Variants in SCMH1 observed in about 807,000 individuals in gnomAD.
SCMH1 encodes the protein Scm polycomb group protein homolog 1.
Under a neutral mutation model 70.8 loss-of-function variants are expected in SCMH1, and 37 were observed. That is an observed-to-expected ratio of 0.52 (90% CI 0.40 to 0.69). The LOEUF (loss-of-function observed/expected upper bound fraction) is 0.69. Among genes scored for constraint, SCMH1 ranks in the 30% least tolerant of loss-of-function variants. The pLI is 0.00. For missense variants in SCMH1, 607 were observed against 827.3 expected (o/e 0.73, Z 3.27); for synonymous variants, 292 against 307.4 (o/e 0.95, Z 0.52).
chr1:41,037,276 G>C, intron 13 of SCMH1, 86 bp downstream of exon 13: 1 of 1,370,450 alleles, frequency 7.3e-7, no homozygotes, highest in Non-Finnish European at 1.0e-6. Context: ...AACAGAGCTA[G>C]GTCCTCTCTG....
chr1:41,161,378 G>A (rs1646017719), exon 3 of SCMH1: 2 of 1,550,350 alleles, frequency 1.3e-6, no homozygotes, highest in African/African-American at 2.7e-5. Flanking sequence ...ATATTGGGAT[G>A]CAGACTCTGA....
At chr1:41,236,094 T>C (rs1042486192) in intron 1 of SCMH1, among the ~76,000 whole-genome samples, 14 of 152,212 alleles carry the variant, frequency 9.2e-5, no homozygotes, top group African/African-American at 3.1e-4. Flanking sequence ...CCAAAGGGTA[T>C]ATACCTAGGA....
At chr1:41,114,717 C>T (rs11209554) in intron 7 of SCMH1, among the ~76,000 whole-genome samples, 1 of 151,586 alleles carries the variant, frequency 6.6e-6, no homozygotes, top group Non-Finnish European at 1.5e-5. Context: ...GGTTCTGTCA[C>T]CCAGGCTGGA....
intron 2 of SCMH1, among the ~76,000 whole-genome samples, chr1:41,172,207 T>C (rs1329170709): frequency 6.9e-6 from 1 of 145,672 alleles, no homozygotes; most frequent in East Asian, 2.0e-4. Context: ...AAAAACGCTG[T>C]ACCAAAAAAT....
At position 41,072,856 on chromosome 1, in the gene SCMH1, C is replaced by A. The variant is rs143102759; in HGVS notation, c.979-2135G>T. Among the ~76,000 whole-genome samples the A allele has an allele frequency of 5.2e-4, 79 of 152,150 alleles. No homozygotes were observed. The East Asian group carries it at 0.012, about 23-fold the overall frequency. ...ACTCAGCCTGGGTCACAGAGTGAGA[C>A]CCTGCCTCAAAAATCAAAGCAAAAC... On this transcript the variant is annotated intron_variant, in intron 9 of 14. Coordinates refer to ENST00000337495, the Ensembl canonical transcript of SCMH1.
chr1:41,163,838 T>C (rs1468154367), intron 2 of SCMH1, among the ~76,000 whole-genome samples: 1 of 152,136 alleles, frequency 6.6e-6, no homozygotes, highest in African/African-American at 2.4e-5. Context: ...AAAAAACATA[T>C]AAGTAAACAC....
intron 8 of SCMH1, among the ~76,000 whole-genome samples, chr1:41,085,250 CA>C (rs1489402169): frequency 1.3e-5 from 2 of 151,928 alleles, no homozygotes; most frequent in African/African-American, 4.8e-5. Context: ...ATTAGGAAAT[CA>C]ATCAACAGAC....
intron 8 of SCMH1, among the ~76,000 whole-genome samples, chr1:41,097,947 A>G (rs1296304220): frequency 6.6e-6 from 1 of 152,210 alleles, no homozygotes; most frequent in South Asian, 2.1e-4. Flanking sequence ...CTCTGTGCTT[A>G]AGTTTTTGGA....
At chr1:41,063,200 G>A (rs11209429) in intron 10 of SCMH1, among the ~76,000 whole-genome samples, 98,670 of 152,026 alleles carry the variant, frequency 0.65, 33,555 homozygotes, top group African/African-American at 0.86. Flanking sequence ...CAGGCCAGGC[G>A]TGGTGGCTCA....
chr1:41,181,104 T>C (rs1274882302), intron 2 of SCMH1, among the ~76,000 whole-genome samples: 2 of 152,174 alleles, frequency 1.3e-5, no homozygotes, highest in African/African-American at 2.4e-5. Context: ...GGGAAACGAT[T>C]CCCTATTTAA....
rs1669746043 is a variant in SCMH1, at chr1:41,113,569, G to C, written c.502-43C>G. On this transcript the variant is annotated intron_variant, in intron 7 of 14. Transcript: ENST00000337495. The surrounding 1 kb of genome is among the most constrained non-coding windows in gnomAD (Gnocchi z 4.3). Reference sequence around the variant, plus strand: ...ACATACACACCTAGACACAAAGAGAGGCCATTATGCCAATAGACTACTATC... The same window carrying C: ...ACATACACACCTAGACACAAAGAGACGCCATTATGCCAATAGACTACTATC... 1 of 1,570,826 alleles carries C rather than the reference G, an allele frequency of 6.4e-7. No individual in the cohort carries two copies. Among genetic ancestry groups the C allele is most frequent in the African/African-American group, 1.4e-5 (1 of 72,952 alleles).
chr1:41,195,753 T>C (rs1484397151), intron 1 of SCMH1, among the ~76,000 whole-genome samples: 11 of 152,256 alleles, frequency 7.2e-5, no homozygotes, highest in Admixed American at 2.6e-4. Context: ...GGCATTCAGA[T>C]TTGAAAGGAA....
At chr1:41,156,882 T>C (rs1427519419) in intron 4 of SCMH1, among the ~76,000 whole-genome samples, 5 of 152,020 alleles carry the variant, frequency 3.3e-5, no homozygotes, top group African/African-American at 7.3e-5. Context: ...CCCAGGCTAG[T>C]TGCAAACTCC....
chr1:41,220,313 AT>A (rs1303710937), intron 1 of SCMH1, among the ~76,000 whole-genome samples: 1 of 152,232 alleles, frequency 6.6e-6, no homozygotes, highest in Non-Finnish European at 1.5e-5. Context: ...GTTTATGTAC[AT>A]GTGTTTAGAG....
chr1:41,101,281 G>T (rs145927753), intron 8 of SCMH1, among the ~76,000 whole-genome samples: 1 of 152,190 alleles, frequency 6.6e-6, no homozygotes, highest in Non-Finnish European at 1.5e-5. Context: ...ATCTCTGCCT[G>T]TGGGAGCATT....
chr1:41,194,662 T>C (rs1224190426), intron 1 of SCMH1, among the ~76,000 whole-genome samples: 3 of 152,178 alleles, frequency 2.0e-5, no homozygotes, highest in Admixed American at 2.0e-4. Context: ...TAAACTAGAA[T>C]GTTAATTTAT....
chr1:41,157,154 A>G (rs573638957), intron 4 of SCMH1, among the ~76,000 whole-genome samples: 1 of 152,176 alleles, frequency 6.6e-6, no homozygotes, highest in Admixed American at 6.5e-5. Flanking sequence ...AGGTCTCACT[A>G]TATTGCCCAG....
At chr1:41,212,090 C>A (rs963109785) in intron 1 of SCMH1, among the ~76,000 whole-genome samples, 1 of 152,062 alleles carries the variant, frequency 6.6e-6, no homozygotes, top group African/African-American at 2.4e-5. Context: ...TGCAGCAAAC[C>A]AACATGGCAC....
intron 1 of SCMH1, among the ~76,000 whole-genome samples, chr1:41,231,628 T>C (rs1361624604): frequency 6.6e-6 from 1 of 152,228 alleles, no homozygotes; most frequent in African/African-American, 2.4e-5. Context: ...CAGTATACCA[T>C]GCTACATTAT....
Sources: allele counts gnomAD v4.1 joint callset (sites outside exome capture counted in the v4.1 genomes callset), GRCh38; gene constraint gnomAD v4.1.1; non-coding constraint Gnocchi (gnomAD v3.1); transcripts MANE v1.5; gene names NCBI Gene and HGNC (gene_info 2026-07-23, HGNC 2026-07-21).